The following TRIM59 variants were observed in gnomAD, a reference collection of about 807,000 sequenced individuals.
TRIM59 encodes the protein tripartite motif containing 59.
Under a neutral mutation model 32.2 loss-of-function variants are expected in TRIM59, and 14 were observed. The ratio of observed to expected loss-of-function variants is 0.43; its 90% CI spans 0.29 to 0.68. The LOEUF (loss-of-function observed/expected upper bound fraction) is 0.68. Among genes scored for constraint, TRIM59 ranks in the 30% least tolerant of loss-of-function variants. The probability of loss-of-function intolerance (pLI) is 0.15; values close to 1 mark genes in which losing one functional copy is unlikely to be tolerated. For missense variants in TRIM59, 471 were observed against 463.3 expected (o/e 1.02, Z -0.15); for synonymous variants, 163 against 155.1 (o/e 1.05, Z -0.38).
rs1468911247 is a variant in TRIM59, at chr3:160,438,257, T to C, written c.927A>G (p.Pro309=). The change falls in exon 3 of 3, where the codon CCA becomes CCG. Residue 309 remains proline, a synonymous_variant. Transcript: ENST00000309784. ...CAGGCCAGGAACATGACATCCTTTTTGGAGAAATTTTCATTTTGGGAATGA... is the reference window on the plus strand; with the variant it reads ...CAGGCCAGGAACATGACATCCTTTTCGGAGAAATTTTCATTTTGGGAATGA... ...NVLIPKMKIS[P]KRMSCSWPGK... is the part of the protein sequence containing the mutation. 3 of 1,613,892 alleles carry C rather than the reference T, an allele frequency of 1.9e-6. No individual in the cohort carries two copies. Among genetic ancestry groups the C allele is most frequent in the Non-Finnish European group, 2.5e-6 (3 of 1,179,972 alleles).
At position 160,438,489 on chromosome 3, in the gene TRIM59, T is replaced by G; in HGVS notation, c.695A>C (p.Gln232Pro). Residue 232 changes from glutamine (Q) to proline (P), a missense_variant, in exon 3 of 3, where the codon CAG (glutamine) becomes CCG (proline). Physicochemically the swap from Gln to Pro is moderately conservative, Grantham distance 76. Transcript: ENST00000309784. ...TATTGTCAGTGCCATTAATTCAAGC[T>G]GCTGCTCTCGTATTTCCTTCATTCT... is the stretch of plus-strand genomic sequence containing the variant. ...IERMKEIREQ[Q>P]LELMALTISL... 1 of 1,613,192 alleles carries G rather than the reference T, an allele frequency of 6.2e-7. No individual in the cohort carries two copies. The highest frequency in any genetic ancestry group is 8.5e-7 in the Non-Finnish European group (1 of 1,179,798).
rs76762715 is a variant in TRIM59, at chr3:160,441,998, C to T, written c.-3-2812G>A. ...ACCTACAGAAAGCTATGAAGTCATACAGAAACCACCCAAGAAAAACAAATG... is the reference window on the plus strand; with the variant it reads ...ACCTACAGAAAGCTATGAAGTCATATAGAAACCACCCAAGAAAAACAAATG... On this transcript the variant is annotated intron_variant, in intron 2 of 2. Transcript: ENST00000309784. Among the ~76,000 whole-genome samples the T allele has an allele frequency of 4.5e-3, 678 of 152,248 alleles. 7 individuals are homozygous for T. Among genetic ancestry groups the T allele is most frequent in the African/African-American group, 0.016 (653 of 41,536 alleles).
Position 160,438,466 on chromosome 3 carries a change from T to C in TRIM59, c.718A>G (p.Ile240Val), listed in dbSNP as rs1416225735. Residue 240 changes from isoleucine to valine, a missense_variant, in exon 3 of 3, where the codon ATA becomes GTA. Transcript: ENST00000309784. The part of the protein sequence containing the change: ...EQQLELMALT[I>V]SLQEESPLKF... ...AGTGGAGACTCTTCTTGTAAAGATA[T>C]TGTCAGTGCCATTAATTCAAGCTGC... 9 of 1,613,712 alleles carry C rather than the reference T, an allele frequency of 5.6e-6. No homozygotes were observed. The highest frequency in any genetic ancestry group is 1.1e-5 in the South Asian group (1 of 90,912).
intron 2 of TRIM59, among the ~76,000 whole-genome samples, chr3:160,442,033 G>C (rs753263713): frequency 6.6e-6 from 1 of 152,196 alleles, no homozygotes; most frequent in Non-Finnish European, 1.5e-5. Context: ...GTGTTTTTCA[G>C]AGTATTTCAG....
rs1202112237 is a variant in TRIM59, at chr3:160,448,737, C to G, written c.-15G>C. On this transcript the variant is annotated 5_prime_UTR_variant, in exon 2 of 3. Transcript: ENST00000309784. ...CCCAGATTACCTACTTTGTTGATCT[C>G]GTGGTTTGGGGGCTGAATACACTCT... 11 of 1,283,006 alleles carry G rather than the reference C, an allele frequency of 8.6e-6. No individual in the cohort carries two copies. The highest frequency in any genetic ancestry group is 1.1e-5 in the Non-Finnish European group (11 of 985,316). 79.5% of individuals were successfully genotyped at this position (1,283,006 alleles called of 1,614,324 possible).
Position 160,436,392 on chromosome 3 carries a change from T to C in TRIM59, c.*1580A>G, listed in dbSNP as rs1342484278. 2.0e-6 allele frequency: 2 copies of C among 985,682 alleles called. No homozygotes were observed. The highest frequency in any genetic ancestry group is 2.4e-6 in the Non-Finnish European group (2 of 830,066). 61.1% of individuals were successfully genotyped at this position (985,682 alleles called of 1,614,324 possible). A position where few individuals can be genotyped will look rare whatever the true frequency, so the allele number is the denominator to read the frequency against. ...AAAGCAAATCAACCTGCACTTAGAG[T>C]TGCATGGACAGTGGGCCAAAAGTCG... is the stretch of plus-strand genomic sequence containing the variant. On this transcript the variant is annotated 3_prime_UTR_variant, in exon 3 of 3. Transcript: ENST00000309784.
In TRIM59 at chr3:160,436,364, T is replaced by C; in HGVS notation, c.*1608A>G. 4.1e-6 allele frequency: 4 copies of C among 986,148 alleles called. No individual in the cohort carries two copies. Among genetic ancestry groups the C allele is most frequent in the Non-Finnish European group, 1.2e-6 (1 of 830,152 alleles). 61.1% of individuals were successfully genotyped at this position (986,148 alleles called of 1,614,324 possible). The stretch of plus-strand genomic sequence containing the variant: ...CCAAGAGCAGCCCCTTTGGGATTTC[T>C]GGAAAGCAAATCAACCTGCACTTAG... On this transcript the variant is annotated 3_prime_UTR_variant, in exon 3 of 3. Coordinates refer to ENST00000309784, the MANE Select transcript of TRIM59 (RefSeq NM_173084.3).
In TRIM59 at chr3:160,436,891, A is replaced by G; in HGVS notation, c.*1081T>C. Reference sequence around the variant, plus strand: ...TGGTAGAAAATTTAAATGAGTTAAGATGAATAAAGTCCACATGATGCCATC... The same window carrying G: ...TGGTAGAAAATTTAAATGAGTTAAGGTGAATAAAGTCCACATGATGCCATC... On this transcript the variant is annotated 3_prime_UTR_variant, in exon 3 of 3. Coordinates refer to ENST00000309784, the MANE Select transcript of TRIM59 (RefSeq NM_173084.3). 2.0e-6 allele frequency: 2 copies of G among 984,526 alleles called. No individual in the cohort carries two copies. Among genetic ancestry groups the G allele is most frequent in the Non-Finnish European group, 1.2e-6 (1 of 829,676 alleles). The allele number at this position is 984,526 out of a possible 1,614,324, so 61.0% of individuals were successfully genotyped here.
chr3:160,447,665 T>C (rs1415229872), intron 2 of TRIM59: 1 of 152,248 alleles, frequency 6.6e-6, no homozygotes, highest in African/African-American at 2.4e-5. Context: ...CTTTCAACTC[T>C]AAACATGAAC....
In TRIM59 at chr3:160,436,037, A is replaced by T. The variant is rs1451683621; in HGVS notation, c.*1935T>A. ...GACTAGTATTTTAAGTAATCAGTGC[A>T]ACTTAGTATTTTTATCTCTAGCTGA... is the stretch of plus-strand genomic sequence containing the variant. On this transcript the variant is annotated 3_prime_UTR_variant, in exon 3 of 3. Transcript: ENST00000309784. The T allele has an allele frequency of 8.4e-7, 1 of 1,188,038 alleles. No homozygotes were observed. Among genetic ancestry groups the T allele is most frequent in the East Asian group, 6.1e-5 (1 of 16,448 alleles). The allele number at this position is 1,188,038 out of a possible 1,614,324, so 73.6% of individuals were successfully genotyped here.
At position 160,436,739 on chromosome 3, in the gene TRIM59, A is replaced by G. The variant is rs1184742754; in HGVS notation, c.*1233T>C. On this transcript the variant is annotated 3_prime_UTR_variant, in exon 3 of 3. Transcript: ENST00000309784. ...TGTGAACCCGGGAGGCGGGGCTTGC[A>G]ATGAGCCGAGATCACGCCACTGCAC... 2.9e-6 allele frequency: 2 copies of G among 699,070 alleles called. No homozygotes were observed. The highest frequency in any genetic ancestry group is 3.5e-6 in the Non-Finnish European group (2 of 574,426). The allele number at this position is 699,070 out of a possible 1,614,324, so 43.3% of individuals were successfully genotyped here.
intron 2 of TRIM59, among the ~76,000 whole-genome samples, chr3:160,448,080 T>C (rs917246360): frequency 1.3e-5 from 2 of 152,210 alleles, no homozygotes; most frequent in Non-Finnish European, 2.9e-5. Flanking sequence ...TTTGTCCATC[T>C]GTACTATTTT....
rs1470148067 is a variant in TRIM59 at position 160,437,219 on chromosome 3, G to C, written c.*753C>G. The C allele has an allele frequency of 1.8e-6, 1 of 541,778 alleles. No individual in the cohort carries two copies. Among genetic ancestry groups the C allele is most frequent in the Non-Finnish European group, 2.4e-6 (1 of 425,230 alleles). The allele number at this position is 541,778 out of a possible 1,614,324, so 33.6% of individuals were successfully genotyped here. The stretch of plus-strand genomic sequence containing the variant: ...ACAATTTTTTTAATTAGCCAGGCAT[G>C]GGGGTGTGTGCCTTGTCCCAGCTGC... On this transcript the variant is annotated 3_prime_UTR_variant, in exon 3 of 3. Coordinates refer to ENST00000309784, the MANE Select transcript of TRIM59 (RefSeq NM_173084.3).
Position 160,442,112 on chromosome 3 carries a change from G to A in TRIM59, c.-3-2926C>T, listed in dbSNP as rs184711513. On this transcript the variant is annotated intron_variant, in intron 2 of 2. Transcript: ENST00000309784. ...TGTAGGAAATAAAATTTGAGCAGTC[G>A]ACGTACATTTAATCTAGATTTAATA... Among the ~76,000 whole-genome samples the A allele has an allele frequency of 1.7e-3, 262 of 152,218 alleles. 1 individual carries two copies. Among genetic ancestry groups the A allele is most frequent in the Middle Eastern group, 0.014 (4 of 294 alleles).
At position 160,436,589 on chromosome 3, in the gene TRIM59, G is replaced by A. The variant is rs1665388066; in HGVS notation, c.*1383C>T. The A allele has an allele frequency of 1.1e-6, 1 of 883,198 alleles. No homozygotes were observed. Among genetic ancestry groups the A allele is most frequent in the Admixed American group, 6.2e-5 (1 of 16,140 alleles). The allele number at this position is 883,198 out of a possible 1,614,324, so 54.7% of individuals were successfully genotyped here. On this transcript the variant is annotated 3_prime_UTR_variant, in exon 3 of 3. Coordinates refer to ENST00000309784, the MANE Select transcript of TRIM59 (RefSeq NM_173084.3). ...TGAGGCGAGTGGATCATGAGGTCAGGAGATAGAGACCATCCTGGCTAACAC... is the reference window on the plus strand; with the variant it reads ...TGAGGCGAGTGGATCATGAGGTCAGAAGATAGAGACCATCCTGGCTAACAC...
intron 2 of TRIM59, chr3:160,447,714 G>A (rs912632193): frequency 6.6e-6 from 1 of 152,176 alleles, no homozygotes; most frequent in Non-Finnish European, 1.5e-5. Context: ...ACCTCTGAAA[G>A]GAAAATATAT....
chr3:160,449,705 C>T lies in TRIM59; in HGVS notation c.-74+12G>A. On this transcript the variant is annotated intron_variant, in intron 1 of 2. Transcript: ENST00000309784. ...CCACCTTCTCCGCATCCGTAAAGGT[C>T]CTTAGACTCACCGCGGGGAGGAAGC... 7.8e-7 allele frequency: 1 copy of T among 1,289,028 alleles called. No homozygotes were observed. The highest frequency in any genetic ancestry group is 1.0e-6 in the Non-Finnish European group (1 of 988,052). 79.8% of individuals were successfully genotyped at this position (1,289,028 alleles called of 1,614,324 possible). A position where few individuals can be genotyped will look rare whatever the true frequency, so the allele number is the denominator to read the frequency against.
chr3:160,449,680 C>T, intron 1 of TRIM59, 37 bp downstream of exon 1: 1 of 1,289,980 alleles, frequency 7.8e-7, no homozygotes, highest in South Asian at 1.2e-5. Context: ...GGACTCAGAA[C>T]CACCTTCTCC....
chr3:160,439,352 T>C (rs1719125798), intron 2 of TRIM59, among the ~76,000 whole-genome samples, 166 bp from the exon 3 acceptor site: 1 of 152,220 alleles, frequency 6.6e-6, no homozygotes. Context: ...CTAGTATATA[T>C]AGTGAATAAC....
Sources: allele counts gnomAD v4.1 joint callset (sites outside exome capture counted in the v4.1 genomes callset), GRCh38; gene constraint gnomAD v4.1.1; transcripts MANE v1.5; gene names NCBI Gene and HGNC (gene_info 2026-07-23, HGNC 2026-07-21).